The following TRPC7 variants were observed in gnomAD, a reference collection of about 807,000 sequenced individuals.
The protein encoded by TRPC7 is transient receptor potential cation channel subfamily C member 7.
In TRPC7, 42 loss-of-function variants were observed where a neutral mutation model predicts 90.1. The ratio of observed to expected loss-of-function variants is 0.47; its 90% CI spans 0.36 to 0.60. The LOEUF is 0.60. Among genes scored for constraint, TRPC7 ranks in the 20% least tolerant of loss-of-function variants. The pLI is 0.00. For missense variants in TRPC7, 955 were observed against 1,112.3 expected (o/e 0.86, Z 2.01); for synonymous variants, 451 against 436.3 (o/e 1.03, Z -0.42).
At chr5:136,317,015 C>T (rs1245280435) in intron 2 of TRPC7, among the ~76,000 whole-genome samples, 1 of 152,202 alleles carries the variant, frequency 6.6e-6, no homozygotes, top group Non-Finnish European at 1.5e-5. Context: ...GTTGCTGTAT[C>T]AAAATGTCAC....
At chr5:136,335,774 G>A (rs1229924929) in intron 2 of TRPC7, among the ~76,000 whole-genome samples, 1 of 151,538 alleles carries the variant, frequency 6.6e-6, no homozygotes, top group Non-Finnish European at 1.5e-5. Context: ...CGTGGTGGCG[G>A]GCGCCTGTAG....
intron 7 of TRPC7, among the ~76,000 whole-genome samples, chr5:136,246,280 C>T (rs1433862416): frequency 6.6e-6 from 1 of 152,224 alleles, no homozygotes; most frequent in Non-Finnish European, 1.5e-5. Context: ...TGTCCACACA[C>T]AAGACCTGGC....
In TRPC7 at chr5:136,357,001, C is replaced by T. The variant is rs371282121; in HGVS notation, c.387G>A (p.Pro129=). Residue 129 remains proline (P), a synonymous_variant, in exon 2 of 12, where the codon CCG becomes CCA. Transcript: ENST00000513104. ...TCAGGCGCTGGCCCTGCGCGAAGGC[C>T]GGGTGGTTGAGGATGGCCTCCACGA... ...VRIVEAILNH[P]AFAQGQRLTL... The T allele has an allele frequency of 7.4e-6, 12 of 1,612,514 alleles. No homozygotes were observed. The highest frequency in any genetic ancestry group is 1.0e-5 in the Non-Finnish European group (12 of 1,179,850).
At chr5:136,270,358 A>G (rs1050729164) in intron 4 of TRPC7, among the ~76,000 whole-genome samples, 4 of 152,202 alleles carry the variant, frequency 2.6e-5, no homozygotes, top group Non-Finnish European at 4.4e-5. Flanking sequence ...CATAGGGTCA[A>G]TGTAAGCAAT....
chr5:136,281,733 T>C (rs1757557655), intron 3 of TRPC7, among the ~76,000 whole-genome samples: 2 of 152,198 alleles, frequency 1.3e-5, no homozygotes, highest in South Asian at 4.1e-4. Context: ...TCTCTACTTA[T>C]GGAATGTCCA....
In TRPC7 at chr5:136,274,795, A is replaced by C; in HGVS notation, c.1006T>G (p.Trp336Gly). Residue 336 changes from tryptophan to glycine, a missense_variant, in exon 4 of 12, where the codon TGG becomes GGG. Physicochemically the swap from Trp to Gly is radical, Grantham distance 184. Transcript: ENST00000513104. ...PNCQQQLLTMWYENLSGLRQQ... is the reference protein window; with the variant it reads ...PNCQQQLLTMGYENLSGLRQQ... ...CGTAAGCCTGAGAGATTTTCATACC[A>C]CATGGTAAGCAATTGCTGCTGACAG... 6.3e-7 allele frequency: 1 copy of C among 1,590,174 alleles called. No individual in the cohort carries two copies. The highest frequency in any genetic ancestry group is 8.6e-7 in the Non-Finnish European group (1 of 1,167,886).
At chr5:136,281,941 G>A (rs751472372) in intron 3 of TRPC7, among the ~76,000 whole-genome samples, 6 of 152,070 alleles carry the variant, frequency 3.9e-5, no homozygotes, top group Non-Finnish European at 7.4e-5. Flanking sequence ...GCTCACTTAC[G>A]GAGTATTCAT....
At chr5:136,259,945 G>A (rs1294139644) in intron 5 of TRPC7, among the ~76,000 whole-genome samples, 1 of 152,288 alleles carries the variant, frequency 6.6e-6, no homozygotes, top group African/African-American at 2.4e-5. Context: ...TTTCTCTGCC[G>A]ATACCTTAAA....
At chr5:136,261,504 AT>A (rs1561691996) in intron 5 of TRPC7, among the ~76,000 whole-genome samples, 1 of 152,118 alleles carries the variant, frequency 6.6e-6, no homozygotes, top group South Asian at 2.1e-4. Context: ...ACTAAATCCC[AT>A]TCCCTGTTGC....
chr5:136,258,098 G>A (rs1756742350), intron 5 of TRPC7, among the ~76,000 whole-genome samples: 1 of 152,160 alleles, frequency 6.6e-6, no homozygotes, highest in Admixed American at 6.5e-5. Context: ...AATCTGAAAT[G>A]CAAATTATTT....
At chr5:136,360,337 C>T (rs1387917332) in intron 1 of TRPC7, among the ~76,000 whole-genome samples, 1 of 152,010 alleles carries the variant, frequency 6.6e-6, no homozygotes, top group Non-Finnish European at 1.5e-5. Context: ...TTAGCATTCT[C>T]ATCTTTTAGG....
intron 2 of TRPC7, among the ~76,000 whole-genome samples, chr5:136,325,828 G>C (rs551348293): frequency 7.2e-5 from 11 of 152,090 alleles, no homozygotes; most frequent in Non-Finnish European, 4.4e-5. Context: ...TCTGGGGGCC[G>C]AACACCTAAA....
At chr5:136,252,703 G>A (rs1756562087) in intron 5 of TRPC7, among the ~76,000 whole-genome samples, 2 of 152,136 alleles carry the variant, frequency 1.3e-5, no homozygotes, top group Non-Finnish European at 2.9e-5. Context: ...CTCATAGGAT[G>A]GCAACCTAGA....
chr5:136,232,076 T>C lies in TRPC7; in HGVS notation c.1845-527A>G, dbSNP rs149318817. 2.2e-3 allele frequency among the ~76,000 whole-genome samples: 331 copies of C among 152,348 alleles called. 2 individuals are homozygous for C. The highest frequency in any genetic ancestry group is 7.7e-3 in the African/African-American group (322 of 41,580). ...AATATTAAAAATGGCAAGCTCTTTA[T>C]TTTTTATTCAATCCATTTATTGGGA... On this transcript the variant is annotated intron_variant, in intron 7 of 11. Coordinates refer to ENST00000513104, the MANE Select transcript of TRPC7 (RefSeq NM_020389.3).
At chr5:136,344,459 G>A (rs952491488) in intron 2 of TRPC7, among the ~76,000 whole-genome samples, 4 of 152,094 alleles carry the variant, frequency 2.6e-5, no homozygotes, top group African/African-American at 9.7e-5. Context: ...TTGAAATGTG[G>A]GTGAAGAAAA....
At chr5:136,226,558 G>T (rs557466891) in intron 8 of TRPC7, 146 of 374,688 alleles carry the variant, frequency 3.9e-4, no homozygotes, top group African/African-American at 2.7e-3. Flanking sequence ...GCTAACCAAA[G>T]AACTTTTCTC....
chr5:136,247,177 A>G lies in TRPC7; in HGVS notation c.1844+294T>C, dbSNP rs1302956073. On this transcript the variant is annotated intron_variant, in intron 7 of 11. Coordinates refer to ENST00000513104, the MANE Select transcript of TRPC7 (RefSeq NM_020389.3). The surrounding 1 kb of genome is among the most constrained non-coding windows in gnomAD (Gnocchi z 4.2). Reference sequence around the variant, plus strand: ...ATTTCCATTTATGAAATAATTCCTGATTGCTGAGAATGTCAAATCCTAGAA... The same window carrying G: ...ATTTCCATTTATGAAATAATTCCTGGTTGCTGAGAATGTCAAATCCTAGAA... Among the ~76,000 whole-genome samples, 3 of 151,918 alleles carry G rather than the reference A, an allele frequency of 2.0e-5. No individual in the cohort carries two copies. Among genetic ancestry groups the G allele is most frequent in the Non-Finnish European group, 4.4e-5 (3 of 68,002 alleles).
intron 3 of TRPC7, among the ~76,000 whole-genome samples, chr5:136,293,908 A>AACCAAAACAGCATGATACTAGT (rs1758059488): frequency 1.3e-5 from 2 of 152,228 alleles, no homozygotes; most frequent in Non-Finnish European, 2.9e-5. Context: ...AGCCTACAGT[A>AACCAAAACAGCATGATACTAGT]ACCAAAACAG....
At chr5:136,285,090 C>T (rs1757666660) in intron 3 of TRPC7, among the ~76,000 whole-genome samples, 1 of 152,154 alleles carries the variant, frequency 6.6e-6, no homozygotes, top group African/African-American at 2.4e-5. Flanking sequence ...GCCTCAGAAC[C>T]TGGCATGTTA....
Sources: allele counts gnomAD v4.1 joint callset (sites outside exome capture counted in the v4.1 genomes callset), GRCh38; gene constraint gnomAD v4.1.1; non-coding constraint Gnocchi (gnomAD v3.1); transcripts MANE v1.5; gene names NCBI Gene and HGNC (gene_info 2026-07-23, HGNC 2026-07-21).